NADK2: variants seen among roughly 807,000 people sequenced by gnomAD.
The protein encoded by NADK2 is NAD kinase domain-containing protein 1, mitochondrial.
A neutral mutation model predicts 62.1 loss-of-function variants in NADK2; 35 were observed. The ratio of observed to expected loss-of-function variants is 0.56; its 90% CI spans 0.43 to 0.75. NADK2 has a LOEUF of 0.75. Among genes scored for constraint, NADK2 ranks in the 30% least tolerant of loss-of-function variants. The pLI is 0.00. For missense variants in NADK2, 439 were observed against 561.3 expected, an observed-to-expected ratio of 0.78 and a Z score of 2.20; for synonymous variants, 205 against 207.9, an observed-to-expected ratio of 0.99 and a Z score of 0.12.
Position 36,200,283 on chromosome 5 carries a change from G to T in NADK2, c.1013-3C>A. ...ACTCAAATTTCCTTGTCGTTTTGCT[G>T]TTGAAAAAGGAAAGGGGGAAAATGT... On this transcript the variant is annotated splice_region_variant and splice_polypyrimidine_tract_variant and intron_variant, in intron 9 of 11. Transcript: ENST00000381937. 1 of 1,574,500 alleles carries T rather than the reference G, an allele frequency of 6.4e-7. No homozygotes were observed. The highest frequency in any genetic ancestry group is 8.6e-7 in the Non-Finnish European group (1 of 1,159,236).
intron 1 of NADK2, among the ~76,000 whole-genome samples, chr5:36,234,393 A>T (rs1747825349): frequency 6.6e-6 from 1 of 151,288 alleles, no homozygotes; most frequent in Admixed American, 6.6e-5. Flanking sequence ...AAAAAAAAAA[A>T]AAATGAATTA....
At chr5:36,234,190 C>T (rs1406016173) in intron 1 of NADK2, among the ~76,000 whole-genome samples, 3 of 151,226 alleles carry the variant, frequency 2.0e-5, no homozygotes, top group East Asian at 1.9e-4. Context: ...CTGGCTAACA[C>T]GGTGAAACCC....
chr5:36,197,782 A>T, intron 10 of NADK2, 118 bp from the exon 11 acceptor site: 1 of 855,012 alleles, frequency 1.2e-6, no homozygotes, highest in Non-Finnish European at 1.7e-6. Context: ...ATTTGGGAAC[A>T]AGTTTCTTGA....
intron 8 of NADK2, among the ~76,000 whole-genome samples, chr5:36,202,204 A>G (rs1443353216): frequency 6.6e-6 from 1 of 152,066 alleles, no homozygotes; most frequent in Non-Finnish European, 1.5e-5. Context: ...CCATTCTAAG[A>G]GTTCTCATTT....
At chr5:36,230,362 C>A (rs1436297345) in intron 1 of NADK2, among the ~76,000 whole-genome samples, 2 of 152,252 alleles carry the variant, frequency 1.3e-5, no homozygotes, top group Admixed American at 6.5e-5. Flanking sequence ...ACAGCTGCTG[C>A]TAGTGCTGCC....
At chr5:36,231,717 C>T (rs994908999) in intron 1 of NADK2, among the ~76,000 whole-genome samples, 5 of 152,112 alleles carry the variant, frequency 3.3e-5, no homozygotes, top group African/African-American at 1.2e-4. Context: ...TCTTGCTAAA[C>T]CTTTGAAAAT....
chr5:36,194,482 G>C lies in NADK2; in HGVS notation c.*662C>G, dbSNP rs911323505. On this transcript the variant is annotated 3_prime_UTR_variant, in exon 12 of 12. Coordinates refer to ENST00000381937, the MANE Select transcript of NADK2 (RefSeq NM_001085411.3). The stretch of plus-strand genomic sequence containing the variant: ...TTGTAACAGCATCATGATTTGTTTT[G>C]CTATCTGTATTTCACCCAGAACTGC... The C allele has an allele frequency of 6.6e-6, 1 of 152,058 alleles. No homozygotes were observed. The highest frequency in any genetic ancestry group is 2.4e-5 in the African/African-American group (1 of 41,424). The allele number at this position is 152,058 out of a possible 1,614,324, so 9.4% of individuals were successfully genotyped here. A position where few individuals can be genotyped will look rare whatever the true frequency, so the allele number is the denominator to read the frequency against.
chr5:36,201,837 TGCC>T (rs1746460814), intron 8 of NADK2, among the ~76,000 whole-genome samples: 1 of 152,062 alleles, frequency 6.6e-6, no homozygotes, highest in Non-Finnish European at 1.5e-5. Context: ...ACATGTGCAA[TGCC>T]TTGCTTAACC....
intron 1 of NADK2, among the ~76,000 whole-genome samples, chr5:36,233,863 T>C (rs1432477612): frequency 6.6e-6 from 1 of 152,208 alleles, no homozygotes; most frequent in African/African-American, 2.4e-5. Context: ...AAAATTCTTC[T>C]GTATTTTTCA....
rs1235377801 is a variant in NADK2 at position 36,241,188 on chromosome 5, A to T, written c.300+311T>A. On this transcript the variant is annotated intron_variant, in intron 1 of 11. Transcript: ENST00000381937. This position sits in a 1 kb window ranked among gnomAD's most constrained non-coding sequence, Gnocchi z 4.9. Reference sequence around the variant, plus strand: ...GGCGAGGGCACCAACGAATCCTCAAACCCCTCACTCTGAGGCCACTCGGCA... The same window carrying T: ...GGCGAGGGCACCAACGAATCCTCAATCCCCTCACTCTGAGGCCACTCGGCA... Among the ~76,000 whole-genome samples the T allele has an allele frequency of 6.6e-6, 1 of 151,190 alleles. No individual in the cohort carries two copies. The highest frequency in any genetic ancestry group is 1.5e-5 in the Non-Finnish European group (1 of 67,772).
At chr5:36,220,162 T>C (rs1259817317) in intron 4 of NADK2, among the ~76,000 whole-genome samples, 1 of 152,248 alleles carries the variant, frequency 6.6e-6, no homozygotes, top group East Asian at 1.9e-4. Flanking sequence ...GTGAAATGTT[T>C]TGAACCATAA....
rs566435276 is a variant in NADK2 at position 36,221,737 on chromosome 5, T to G, written c.561-2058A>C. On this transcript the variant is annotated intron_variant, in intron 4 of 11. Coordinates refer to ENST00000381937, the MANE Select transcript of NADK2 (RefSeq NM_001085411.3). ...CCAGCTTCAAATTCCCACAAATTTA[T>G]GAATATGAAGCCAGTTTCCAAAAGA... The G allele has an allele frequency of 2.0e-5, 3 of 152,342 alleles. No individual in the cohort carries two copies. The East Asian group carries it at 5.8e-4, about 29-fold the overall frequency. The allele number at this position is 152,342 out of a possible 1,614,324, so 9.4% of individuals were successfully genotyped here.
At chr5:36,230,984 G>A (rs1022406425) in intron 1 of NADK2, among the ~76,000 whole-genome samples, 4 of 152,066 alleles carry the variant, frequency 2.6e-5, no homozygotes, top group African/African-American at 9.7e-5. Flanking sequence ...AAACTTCAAG[G>A]GTAGCTGGCC....
At chr5:36,227,669 A>AAAT in intron 1 of NADK2, 104 bp from the exon 2 acceptor site, 1 of 493,300 alleles carries the variant, frequency 2.0e-6, no homozygotes, top group Non-Finnish European at 3.2e-6. Context: ...TTTTTTGAAA[A>AAAT]TATATTTTAA....
chr5:36,203,839 A>C (rs1746536275), intron 8 of NADK2, among the ~76,000 whole-genome samples: 1 of 152,064 alleles, frequency 6.6e-6, no homozygotes, highest in Non-Finnish European at 1.5e-5. Flanking sequence ...TAATTAGCAA[A>C]TTTATCTTGA....
In NADK2 at chr5:36,226,502, A is replaced by G. The variant is rs756623547; in HGVS notation, c.451T>C (p.Trp151Arg). The G allele has an allele frequency of 3.7e-6, 6 of 1,613,132 alleles. No homozygotes were observed. Among genetic ancestry groups the G allele is most frequent in the Non-Finnish European group, 5.1e-6 (6 of 1,179,500 alleles). ...RREYDEETVR[W>R]ADAVIAAGGD... is the part of the protein sequence containing the mutation. ...CCTGCAGCTATGACAGCATCTGCCC[A>G]TCGAACAGTCTCTTCATCATATTCT... Residue 151 changes from tryptophan (W) to arginine (R), a missense_variant, in exon 3 of 12, where the codon TGG becomes CGG. By Grantham distance (101) the Trp-to-Arg change is moderately radical. Transcript: ENST00000381937.
At position 36,241,604 on chromosome 5, in the gene NADK2, G is replaced by A. The variant is rs777977348; in HGVS notation, c.195C>T (p.Gly65=). The A allele has an allele frequency of 2.7e-6, 4 of 1,502,152 alleles. No individual in the cohort carries two copies. The African/African-American group carries it at 4.4e-5, about 16-fold the overall frequency. The allele number at this position is 1,502,152 out of a possible 1,614,324, so 93.1% of individuals were successfully genotyped here. A position where few individuals can be genotyped will look rare whatever the true frequency, so the allele number is the denominator to read the frequency against. Reference sequence around the variant, plus strand: ...CCACCACCACCCGGGAGGGGCGGAAGCCGCCGTCCGCGCGGCTGCCACAGC... The same window carrying A: ...CCACCACCACCCGGGAGGGGCGGAAACCGCCGTCCGCGCGGCTGCCACAGC... ...LAGCGSRADG[G]FRPSRVVVVA... The change falls in exon 1 of 12, where the codon GGC becomes GGT. Residue 65 remains glycine, a synonymous_variant. Coordinates refer to ENST00000381937, the MANE Select transcript of NADK2 (RefSeq NM_001085411.3). The surrounding 1 kb of genome is among the most constrained non-coding windows in gnomAD (Gnocchi z 4.9).
At chr5:36,210,705 C>T (rs1746809733) in intron 7 of NADK2, among the ~76,000 whole-genome samples, 1 of 152,172 alleles carries the variant, frequency 6.6e-6, no homozygotes, top group South Asian at 2.1e-4. Context: ...AATGTGTGAT[C>T]CTTAATTGGA....
intron 1 of NADK2, among the ~76,000 whole-genome samples, chr5:36,238,866 T>C (rs545173777): frequency 6.6e-6 from 1 of 152,350 alleles, no homozygotes; most frequent in African/African-American, 2.4e-5. Flanking sequence ...TTTGACTAGC[T>C]TGAAGGTTGT....
Sources: gnomAD v4.1 joint callset for allele counts (sites outside exome capture counted in the v4.1 genomes callset) on GRCh38, gnomAD v4.1.1 for gene constraint, Gnocchi (gnomAD v3.1) non-coding constraint, MANE v1.5 for transcripts, NCBI Gene and HGNC (gene_info 2026-07-23, HGNC 2026-07-21) for gene names.